DENND2A: variants seen among roughly 807,000 people sequenced by gnomAD.
DENND2A encodes the protein DENN domain-containing protein 2A.
In DENND2A, 53 loss-of-function variants were observed where a neutral mutation model predicts 105.3. That is an observed-to-expected ratio of 0.50 (90% confidence interval 0.40 to 0.63). The LOEUF (loss-of-function observed/expected upper bound fraction) is 0.63, where lower values mean the gene tolerates loss of function less well. Among genes scored for constraint, DENND2A ranks in the 30% least tolerant of loss-of-function variants. The pLI is 0.00. For missense variants in DENND2A, 1,138 were observed against 1,279.6 expected (o/e 0.89, Z 1.69); for synonymous variants, 522 against 508.4 (o/e 1.03, Z -0.36).
chr7:140,562,477 T>C (rs941822382), intron 9 of DENND2A, among the ~76,000 whole-genome samples: 3 of 151,976 alleles, frequency 2.0e-5, no homozygotes, highest in Non-Finnish European at 4.4e-5. Context: ...CTGGCTAACA[T>C]GGTGAAACCC....
intron 1 of DENND2A, among the ~76,000 whole-genome samples, chr7:140,609,641 A>T (rs1428326851): frequency 6.6e-6 from 1 of 152,228 alleles, no homozygotes; most frequent in Admixed American, 6.5e-5. Context: ...TGTAAGTTTC[A>T]GAAACTAAGT....
chr7:140,601,377 C>T, intron 3 of DENND2A, 26 bp downstream of exon 3: 2 of 1,542,032 alleles, frequency 1.3e-6, no homozygotes, highest in Non-Finnish European at 1.7e-6. Context: ...GGTGGCGACA[C>T]TCTGCCTGGC....
chr7:140,604,082 CT>C (rs1799610444), intron 2 of DENND2A, among the ~76,000 whole-genome samples: 1 of 152,224 alleles, frequency 6.6e-6, no homozygotes, highest in South Asian at 2.1e-4. Context: ...AGTACAGTGA[CT>C]TTGGATGTGC....
rs370687047 is a variant in DENND2A at position 140,585,843 on chromosome 7, G to A, written c.1124-133C>T. Reference sequence around the variant, plus strand: ...ATATCTGCTGTTTTGCCATCCATGCGCCCCTCCTGTTGGCAGCAGTCTCTG... The same window carrying A: ...ATATCTGCTGTTTTGCCATCCATGCACCCCTCCTGTTGGCAGCAGTCTCTG... On this transcript the variant is annotated intron_variant, in intron 4 of 19. Coordinates refer to ENST00000496613, the MANE Select transcript of DENND2A (RefSeq NM_015689.5). 33 of 1,290,916 alleles carry A rather than the reference G, an allele frequency of 2.6e-5. 1 individual carries two copies. Among genetic ancestry groups the A allele is most frequent in the South Asian group, 1.5e-4 (11 of 72,392 alleles). 80.0% of individuals were successfully genotyped at this position (1,290,916 alleles called of 1,614,324 possible). A position where few individuals can be genotyped will look rare whatever the true frequency, so the allele number is the denominator to read the frequency against.
intron 6 of DENND2A, among the ~76,000 whole-genome samples, chr7:140,572,411 A>C (rs1180012082): frequency 1.3e-5 from 2 of 151,848 alleles, no homozygotes; most frequent in African/African-American, 4.8e-5. Context: ...TTACATTTTT[A>C]TGGGTTTCAT....
rs1795937033 is a variant in DENND2A at position 140,523,509 on chromosome 7, G to C, written c.2548-85C>G. On this transcript the variant is annotated intron_variant, in intron 16 of 19. Transcript: ENST00000496613. The surrounding 1 kb of genome is among the most constrained non-coding windows in gnomAD (Gnocchi z 4.5). ...ACACACTGGAGCCACTGCAGGGCAG[G>C]CCTGGCTCAGTCTCCAGTTTCATGG... The C allele has an allele frequency of 1.2e-5, 14 of 1,149,944 alleles. 2 individuals carry two copies. The South Asian group carries it at 1.8e-4, about 15-fold the overall frequency. 71.2% of individuals were successfully genotyped at this position (1,149,944 alleles called of 1,614,324 possible).
At chr7:140,599,387 A>G (rs1322742465) in intron 3 of DENND2A, among the ~76,000 whole-genome samples, 2 of 151,880 alleles carry the variant, frequency 1.3e-5, no homozygotes, top group Non-Finnish European at 2.9e-5. Context: ...TTGGTACTGA[A>G]AAAAAAATAG....
At chr7:140,596,860 A>G (rs565233872) in intron 3 of DENND2A, among the ~76,000 whole-genome samples, 4 of 152,356 alleles carry the variant, frequency 2.6e-5, no homozygotes, top group Non-Finnish European at 4.4e-5. Context: ...TTCTTGTTAA[A>G]TGTCGGCCTT....
chr7:140,603,610 G>T (rs1280222582), intron 2 of DENND2A, among the ~76,000 whole-genome samples: 1 of 152,232 alleles, frequency 6.6e-6, no homozygotes, highest in East Asian at 1.9e-4. Context: ...TGCACCCCTA[G>T]CACCCAAAAC....
At chr7:140,541,409 C>T (rs1796653179) in intron 14 of DENND2A, among the ~76,000 whole-genome samples, 2 of 152,128 alleles carry the variant, frequency 1.3e-5, no homozygotes, top group Admixed American at 1.3e-4. Context: ...CCGGGGGACT[C>T]TGTCCCCACC....
chr7:140,600,619 A>G (rs954554216), intron 3 of DENND2A, among the ~76,000 whole-genome samples: 1 of 151,962 alleles, frequency 6.6e-6, no homozygotes, highest in African/African-American at 2.4e-5. Flanking sequence ...ATTTAGCAAG[A>G]TGGAGGTTAC....
intron 9 of DENND2A, among the ~76,000 whole-genome samples, chr7:140,561,717 G>A (rs571354066): frequency 4.8e-5 from 7 of 144,618 alleles, no homozygotes; most frequent in Middle Eastern, 3.6e-3. Context: ...GTTTCACCAT[G>A]TTGGCCAGGC....
intron 14 of DENND2A, among the ~76,000 whole-genome samples, chr7:140,543,186 A>G (rs1297388467): frequency 6.8e-6 from 1 of 146,982 alleles, no homozygotes; most frequent in Non-Finnish European, 1.5e-5. Flanking sequence ...TGGCATGATC[A>G]TAGCTCACTG....
At chr7:140,584,045 C>T (rs1238585062) in intron 5 of DENND2A, among the ~76,000 whole-genome samples, 1 of 148,838 alleles carries the variant, frequency 6.7e-6, no homozygotes, top group Non-Finnish European at 1.5e-5. Context: ...AGTTTGAGAC[C>T]AGCCTGGCCA....
chr7:140,593,052 A>AT (rs112026672), intron 3 of DENND2A, among the ~76,000 whole-genome samples: 6 of 152,042 alleles, frequency 3.9e-5, no homozygotes, highest in Non-Finnish European at 5.9e-5. Flanking sequence ...CTCTACAAAT[A>AT]TTTTTTTTAA....
intron 9 of DENND2A, among the ~76,000 whole-genome samples, 195 bp downstream of exon 9, chr7:140,566,891 C>T (rs1204415324): frequency 6.6e-6 from 1 of 151,876 alleles, no homozygotes; most frequent in Non-Finnish European, 1.5e-5. Flanking sequence ...GTCCCTGAAT[C>T]TCTCCTTTCT....
rs1393799966 is a variant in DENND2A, at chr7:140,637,593, C to T, written c.-248+2911G>A. 3.9e-5 allele frequency among the ~76,000 whole-genome samples: 6 copies of T among 152,298 alleles called. No homozygotes were observed. In the East Asian group the frequency reaches 1.2e-3, roughly 29 times the overall value. ...TGGTCTGCTGAGTCCCACCCTTTTC[C>T]TACCCCTTTAGAGGCAGGCTCTACA... On this transcript the variant is annotated intron_variant, in intron 1 of 19. Coordinates refer to ENST00000496613, the MANE Select transcript of DENND2A (RefSeq NM_015689.5).
In DENND2A at chr7:140,524,312, G is replaced by A. The variant is rs1040628158; in HGVS notation, c.2548-888C>T. 6.6e-5 allele frequency among the ~76,000 whole-genome samples: 10 copies of A among 152,206 alleles called. No homozygotes were observed. The East Asian group carries it at 9.6e-4, about 15-fold the overall frequency. Reference sequence around the variant, plus strand: ...TTACTTCTTGCAAAATCTGATAGAAGTTAGGCCTCTCTAGCAAATGATAAA... The same window carrying A: ...TTACTTCTTGCAAAATCTGATAGAAATTAGGCCTCTCTAGCAAATGATAAA... On this transcript the variant is annotated intron_variant, in intron 16 of 19. Coordinates refer to ENST00000496613, the MANE Select transcript of DENND2A (RefSeq NM_015689.5).
chr7:140,527,972 C>T lies in DENND2A; in HGVS notation c.2328-477G>A, dbSNP rs148642297. On this transcript the variant is annotated intron_variant, in intron 14 of 19. Coordinates refer to ENST00000496613, the MANE Select transcript of DENND2A (RefSeq NM_015689.5). The surrounding 1 kb of genome is among the most constrained non-coding windows in gnomAD (Gnocchi z 4.9). ...TCTCCCACCTCGGCCTCCTGAGTAG[C>T]TGGGACTGCAGGCACGCGCCACCAC... Among the ~76,000 whole-genome samples, 1,245 of 152,142 alleles carry T rather than the reference C, an allele frequency of 8.2e-3. 22 individuals are homozygous for T. The highest frequency in any genetic ancestry group is 0.028 in the African/African-American group (1,178 of 41,520).
Sources: gnomAD v4.1 joint callset for allele counts (sites outside exome capture counted in the v4.1 genomes callset) on GRCh38, gnomAD v4.1.1 for gene constraint, Gnocchi (gnomAD v3.1) non-coding constraint, MANE v1.5 for transcripts, NCBI Gene and HGNC (gene_info 2026-07-23, HGNC 2026-07-21) for gene names.